The following TAB3 variants were observed in gnomAD, a reference collection of about 807,000 sequenced individuals.
TAB3 encodes the protein TGF-beta-activated kinase 1 and MAP3K7-binding protein 3.
A neutral mutation model predicts 48.1 loss-of-function variants in TAB3; 18 were observed. The observed-to-expected ratio is 0.37, with a 90% CI of 0.26 to 0.55. TAB3 has a LOEUF of 0.55. TAB3 is among the 20% of genes least tolerant of loss of function. The pLI is 0.78. For synonymous variants in TAB3, 185 were observed against 190.2 expected, an observed-to-expected ratio of 0.97 and a Z score of 0.22; for missense variants, 414 against 549.8, an observed-to-expected ratio of 0.75 and a Z score of 2.47.
At chrX:30,867,617 CTAG>C (rs1939451144) in intron 2 of TAB3, 68 bp from the exon 3 acceptor site, 1 of 111,417 alleles carries the variant, frequency 9.0e-6, no homozygotes. Context: ...TAACAAAAAA[CTAG>C]TAGACTTCTG....
At chrX:30,876,307 A>G (rs1396881363) in intron 1 of TAB3, among the ~76,000 whole-genome samples, 1 of 112,319 alleles carries the variant, frequency 8.9e-6, no homozygotes, top group Non-Finnish European at 1.9e-5. Context: ...ATAATTTTTC[A>G]AATACAATGC....
chrX:30,828,530 A>G lies in TAB3; in HGVS notation c.*2897T>C, dbSNP rs1937947441. On this transcript the variant is annotated 3_prime_UTR_variant, in exon 11 of 11. Coordinates refer to ENST00000288422, the MANE Select transcript of TAB3 (RefSeq NM_152787.5). ...CAATATCAATTCAAAACATTTTACAATGCTTAAAAAGTTTCTGGCTCCTCT... is the reference window on the plus strand; with the variant it reads ...CAATATCAATTCAAAACATTTTACAGTGCTTAAAAAGTTTCTGGCTCCTCT... 1 of 112,708 alleles carries G rather than the reference A, an allele frequency of 8.9e-6. No individual in the cohort carries two copies. The highest frequency in any genetic ancestry group is 1.9e-5 in the Non-Finnish European group (1 of 53,417). 9.3% of individuals were successfully genotyped at this position (112,708 alleles called of 1,213,427 possible).
chrX:30,856,639 ATATT>A (rs1407740691), intron 5 of TAB3, among the ~76,000 whole-genome samples: 5 of 112,110 alleles, frequency 4.5e-5, no homozygotes, highest in African/African-American at 9.7e-5. Flanking sequence ...ATATTACTAT[ATATT>A]TATTTTAGGA....
intron 1 of TAB3, among the ~76,000 whole-genome samples, chrX:30,882,217 G>A (rs1173656447): frequency 9.0e-6 from 1 of 111,114 alleles, no homozygotes; most frequent in African/African-American, 3.3e-5. Flanking sequence ...TTCTAAAAGC[G>A]CATATAAACA....
At chrX:30,837,742 G>C (rs1367541309) in intron 9 of TAB3, among the ~76,000 whole-genome samples, 1 of 112,050 alleles carries the variant, frequency 8.9e-6, no homozygotes, top group African/African-American at 3.2e-5. Context: ...CCTGTGACCT[G>C]TCCAAAAACT....
At chrX:30,866,752 CCAAA>C (rs1464779522) in intron 4 of TAB3, among the ~76,000 whole-genome samples, 4 of 108,134 alleles carry the variant, frequency 3.7e-5, no homozygotes, top group Non-Finnish European at 7.7e-5. Flanking sequence ...GCAGAAAATC[CCAAA>C]CAATTTACAT....
At chrX:30,870,558 G>A (rs960972256) in intron 2 of TAB3, among the ~76,000 whole-genome samples, 3 of 112,229 alleles carry the variant, frequency 2.7e-5, no homozygotes, top group Non-Finnish European at 5.6e-5. Context: ...AAGGAGAGCT[G>A]AGGAAAGCTT....
intron 1 of TAB3, among the ~76,000 whole-genome samples, chrX:30,877,492 T>C (rs1370661138): frequency 8.9e-6 from 1 of 112,346 alleles, no homozygotes; most frequent in Non-Finnish European, 1.9e-5. Flanking sequence ...GACAACAATA[T>C]GTATGTCACA....
At position 30,855,289 on chromosome X, in the gene TAB3, A is replaced by T; in HGVS notation, c.376T>A (p.Ser126Thr). 1 of 1,211,691 alleles carries T rather than the reference A, an allele frequency of 8.3e-7. No individual in the cohort carries two copies. Among genetic ancestry groups the T allele is most frequent in the Non-Finnish European group, 1.1e-6 (1 of 895,542 alleles). The change falls in exon 6 of 11, where the codon TCA (serine) becomes ACA (threonine). Residue 126 changes from serine (S) to threonine (T), a missense_variant. Coordinates refer to ENST00000288422, the MANE Select transcript of TAB3 (RefSeq NM_152787.5). ...GTAGCAGCAACAACAGCTGGAGCTG[A>T]GTGTGGTTCTTGAACTAAACATATC... Reference protein sequence around the residue: ...QLICLVQEPHSAPAVVAATPN... With the variant: ...QLICLVQEPHTAPAVVAATPN...
intron 9 of TAB3, chrX:30,836,425 T>C (rs768516766): frequency 8.9e-6 from 1 of 111,836 alleles, no homozygotes; most frequent in Non-Finnish European, 1.9e-5. Context: ...TCTATCTACA[T>C]AATTGAGCTA....
intron 5 of TAB3, among the ~76,000 whole-genome samples, chrX:30,856,271 TAAATTCATTCATACTCTC>T (rs1939070599): frequency 1.8e-5 from 2 of 112,151 alleles, no homozygotes; most frequent in Non-Finnish European, 3.8e-5. Flanking sequence ...CTGCCTTAAT[TAAATTCATTCATACTCTC>T]ACAGTCTCAA....
rs147101613 is a variant in TAB3, at chrX:30,842,988, T to C, written c.1866A>G (p.Val622=). The C allele has an allele frequency of 8.9e-4, 1,059 of 1,183,790 alleles. 4 individuals carry two copies. In the African/African-American group the frequency reaches 0.016, roughly 18 times the overall value. ...CACCTTTTTTAGATGGCTTGGGTGG[T>C]ACAACTGGGCCAGGTTCTATGTTGT... ...FYDNIEPGPV[V]PPKPSKKDSS... is the part of the protein sequence containing the mutation. Residue 622 remains valine, a synonymous_variant, in exon 9 of 11, where the codon GTA becomes GTG. Transcript: ENST00000288422.
chrX:30,848,728 A>G (rs1475938911), intron 7 of TAB3, among the ~76,000 whole-genome samples: 1 of 111,949 alleles, frequency 8.9e-6, no homozygotes, highest in Non-Finnish European at 1.9e-5. Flanking sequence ...AAAATTGGGT[A>G]TGTATAATTC....
At chrX:30,865,231 C>T (rs1294847249) in intron 4 of TAB3, among the ~76,000 whole-genome samples, 1 of 112,103 alleles carries the variant, frequency 8.9e-6, no homozygotes, top group East Asian at 2.8e-4. Context: ...CAGTAGCACC[C>T]CCAAGTGGCC....
chrX:30,854,543 T>C lies in TAB3; in HGVS notation c.1122A>G (p.Gln374=). Residue 374 remains glutamine, a synonymous_variant, in exon 6 of 11, where the codon CAA becomes CAG. Coordinates refer to ENST00000288422, the MANE Select transcript of TAB3 (RefSeq NM_152787.5). Reference sequence around the variant, plus strand: ...TCCTATTAATTGCTGTCCCAGGTCTTTGAGAAGGTTCAACTGTAATTTCTA... The same window carrying C: ...TCCTATTAATTGCTGTCCCAGGTCTCTGAGAAGGTTCAACTGTAATTTCTA... ...KKIEITVEPS[Q]RPGTAINRSP... 8.3e-7 allele frequency: 1 copy of C among 1,210,674 alleles called. No homozygotes were observed. Among genetic ancestry groups the C allele is most frequent in the Non-Finnish European group, 1.1e-6 (1 of 894,565 alleles).
At chrX:30,832,601 T>TA (rs1220478590) in intron 10 of TAB3, among the ~76,000 whole-genome samples, 2 of 112,525 alleles carry the variant, frequency 1.8e-5, no homozygotes, top group African/African-American at 6.5e-5. Context: ...AGCTGACTTC[T>TA]AGTTTATCAA....
intron 8 of TAB3, chrX:30,844,118 T>A (rs769512793): frequency 9.0e-6 from 1 of 111,060 alleles, no homozygotes; most frequent in East Asian, 2.8e-4. Context: ...AGGTTTAGAT[T>A]CCTTCCCTAG....
At chrX:30,880,919 C>A (rs1939981740) in intron 1 of TAB3, among the ~76,000 whole-genome samples, 1 of 111,169 alleles carries the variant, frequency 9.0e-6, no homozygotes, top group Non-Finnish European at 1.9e-5. Context: ...AATAATTACT[C>A]CTGAAAAGTC....
At position 30,855,300 on chromosome X, in the gene TAB3, T is replaced by G; in HGVS notation, c.365A>C (p.Gln122Pro). Residue 122 changes from glutamine to proline, a missense_variant, in exon 6 of 11, where the codon CAA becomes CCA. Gln to Pro is a moderately conservative substitution (Grantham distance 76). Coordinates refer to ENST00000288422, the MANE Select transcript of TAB3 (RefSeq NM_152787.5). The stretch of plus-strand genomic sequence containing the variant: ...AACAGCTGGAGCTGAGTGTGGTTCT[T>G]GAACTAAACATATCAGCTGTTTACC... The part of the protein sequence containing the change: ...AAGKQLICLV[Q>P]EPHSAPAVVA... 8.3e-7 allele frequency: 1 copy of G among 1,211,800 alleles called. No homozygotes were observed. The highest frequency in any genetic ancestry group is 1.1e-6 in the Non-Finnish European group (1 of 895,562).
Sources: allele counts gnomAD v4.1 joint callset (sites outside exome capture counted in the v4.1 genomes callset), GRCh38; gene constraint gnomAD v4.1.1; transcripts MANE v1.5; gene names NCBI Gene and HGNC (gene_info 2026-07-23, HGNC 2026-07-21).